Variants in FTO observed in about 807,000 individuals in gnomAD.
The protein encoded by FTO is FTO alpha-ketoglutarate dependent dioxygenase.
In FTO, 47 loss-of-function variants were observed where a neutral mutation model predicts 63.9. That is an observed-to-expected ratio of 0.74 (90% CI 0.58 to 0.94). FTO has a LOEUF of 0.94. Among genes scored for constraint, FTO ranks in the 40% least tolerant of loss-of-function variants. FTO has a pLI of 0.00. For missense variants in FTO, 562 were observed against 618.1 expected, an observed-to-expected ratio of 0.91 and a Z score of 0.96; for synonymous variants, 207 against 224.4, an observed-to-expected ratio of 0.92 and a Z score of 0.69.
intron 1 of FTO, among the ~76,000 whole-genome samples, chr16:53,793,847 A>T (rs1253544920): frequency 6.6e-6 from 1 of 152,238 alleles, no homozygotes; most frequent in Admixed American, 6.5e-5. Context: ...CACGGTCTTT[A>T]TATGCAAATA....
chr16:53,814,276 A>G (rs552132463), intron 2 of FTO, among the ~76,000 whole-genome samples: 2 of 152,322 alleles, frequency 1.3e-5, no homozygotes, highest in East Asian at 3.9e-4. Flanking sequence ...ACATAGTCAG[A>G]AAACAAACTC....
intron 4 of FTO, among the ~76,000 whole-genome samples, chr16:53,869,272 T>C (rs1329283358): frequency 1.3e-5 from 2 of 152,164 alleles, no homozygotes. Context: ...CAGATAGCTT[T>C]TTTTTTGCTC....
chr16:53,745,160 A>G (rs919976467), intron 1 of FTO, among the ~76,000 whole-genome samples: 5 of 152,252 alleles, frequency 3.3e-5, no homozygotes, highest in Admixed American at 1.3e-4. Flanking sequence ...ACAAATGCTT[A>G]TGAATAATTC....
At chr16:53,970,767 C>T (rs917533487) in intron 8 of FTO, among the ~76,000 whole-genome samples, 4 of 152,018 alleles carry the variant, frequency 2.6e-5, no homozygotes, top group Admixed American at 1.3e-4. Context: ...CGGTGAAAGC[C>T]GCCAGTGTGA....
intron 1 of FTO, among the ~76,000 whole-genome samples, chr16:53,805,407 A>C (rs2151724693): frequency 6.6e-6 from 1 of 150,622 alleles, no homozygotes; most frequent in South Asian, 2.1e-4. Flanking sequence ...GTAGTTTCTG[A>C]TATCTAACTT....
intron 1 of FTO, among the ~76,000 whole-genome samples, chr16:53,760,258 GTGTT>G (rs1481359253): frequency 1.6e-4 from 22 of 141,272 alleles, no homozygotes; most frequent in Admixed American, 6.4e-4. Flanking sequence ...GTGTGTGTGT[GTGTT>G]TTTTGGAGAC....
At chr16:53,755,423 ATTGAGGTGTAC>A (rs1197479637) in intron 1 of FTO, among the ~76,000 whole-genome samples, 1 of 152,158 alleles carries the variant, frequency 6.6e-6, no homozygotes, top group Non-Finnish European at 1.5e-5. Flanking sequence ...GATCCCGTCC[ATTGAGGTGTAC>A]TTGAGGGATT....
chr16:53,763,927 C>T (rs912026599), intron 1 of FTO, among the ~76,000 whole-genome samples: 2 of 152,136 alleles, frequency 1.3e-5, no homozygotes, highest in Non-Finnish European at 2.9e-5. Context: ...AAGCGATGCC[C>T]TGGAAAGAAT....
intron 1 of FTO, among the ~76,000 whole-genome samples, chr16:53,772,449 G>A (rs949608226): frequency 1.3e-5 from 2 of 152,012 alleles, no homozygotes; most frequent in African/African-American, 2.4e-5. Context: ...GCCTGCTGGC[G>A]TTCTCTGTTT....
chr16:53,918,612 C>A (rs1403481287), intron 7 of FTO, among the ~76,000 whole-genome samples: 1 of 152,130 alleles, frequency 6.6e-6, no homozygotes, highest in Non-Finnish European at 1.5e-5. Flanking sequence ...AAATCAAAAT[C>A]AACCCTAAAA....
intron 1 of FTO, among the ~76,000 whole-genome samples, chr16:53,766,293 G>A (rs1363992234): frequency 2.0e-5 from 3 of 152,028 alleles, no homozygotes; most frequent in Admixed American, 6.6e-5. Context: ...TGGCGCGATC[G>A]TGGCTCACTG....
chr16:53,880,510 A>T lies in FTO; in HGVS notation c.1119+523A>T, dbSNP rs113488284. 8.7e-3 allele frequency among the ~76,000 whole-genome samples: 1,331 copies of T among 152,322 alleles called. 25 individuals are homozygous for T. Among genetic ancestry groups the T allele is most frequent in the African/African-American group, 0.031 (1,281 of 41,576 alleles). On this transcript the variant is annotated intron_variant, in intron 6 of 8. Coordinates refer to ENST00000471389, the MANE Select transcript of FTO (RefSeq NM_001080432.3). ...GTTCAGGCTGCAGTAACAAAATTGC[A>T]TAAACCAAGTTGCTTCTAAACAACA...
chr16:54,032,599 T>C (rs1321605993), intron 8 of FTO, among the ~76,000 whole-genome samples: 6 of 152,244 alleles, frequency 3.9e-5, no homozygotes, highest in African/African-American at 1.4e-4. Flanking sequence ...TTGTTGATTT[T>C]GATATTTTGT....
chr16:53,842,732 G>A (rs538561167), intron 3 of FTO, among the ~76,000 whole-genome samples: 51 of 152,232 alleles, frequency 3.4e-4, no homozygotes, highest in Middle Eastern at 6.8e-3. Flanking sequence ...GGAGTGCACT[G>A]GTGCTATCAC....
At chr16:53,831,214 G>A (rs10521308) in intron 3 of FTO, among the ~76,000 whole-genome samples, 10,464 of 152,168 alleles carry the variant, frequency 0.069, 554 homozygotes, top group East Asian at 0.26. Context: ...TAAAAACGCT[G>A]TGATGTTTAA....
chr16:53,903,706 T>G (rs1480867427), intron 7 of FTO, among the ~76,000 whole-genome samples: 1 of 152,240 alleles, frequency 6.6e-6, no homozygotes, highest in Non-Finnish European at 1.5e-5. Flanking sequence ...TAACCAGACT[T>G]CTACTGTCTT....
At chr16:53,879,790 T>C (rs1401854115) in intron 5 of FTO, 54 bp from the exon 6 acceptor site, 1 of 1,606,338 alleles carries the variant, frequency 6.2e-7, no homozygotes, top group Non-Finnish European at 8.5e-7. Context: ...GGAAGGATGG[T>C]AGAGTAAACT....
chr16:53,911,872 C>G (rs949913640), intron 7 of FTO, among the ~76,000 whole-genome samples: 3 of 152,200 alleles, frequency 2.0e-5, no homozygotes, highest in Non-Finnish European at 4.4e-5. Context: ...AAATTGAACT[C>G]TGTGGCATAA....
At position 54,120,709 on chromosome 16, in the gene FTO, C is replaced by T. The variant is rs570225282; in HGVS notation, c.*8794C>T. Reference sequence around the variant, plus strand: ...TGAGCCCCCCTCCCAAGTTCACCTTCAACATCCTAAAGCAGGTTGAAGAGG... The same window carrying T: ...TGAGCCCCCCTCCCAAGTTCACCTTTAACATCCTAAAGCAGGTTGAAGAGG... On this transcript the variant is annotated 3_prime_UTR_variant, in exon 9 of 9. Coordinates refer to ENST00000471389, the MANE Select transcript of FTO (RefSeq NM_001080432.3). 9.9e-5 allele frequency: 15 copies of T among 152,270 alleles called. No individual in the cohort carries two copies. The highest frequency in any genetic ancestry group is 3.6e-4 in the African/African-American group (15 of 41,570). 9.4% of individuals were successfully genotyped at this position (152,270 alleles called of 1,614,324 possible). A position where few individuals can be genotyped will look rare whatever the true frequency, so the allele number is the denominator to read the frequency against.
Sources: gnomAD v4.1 joint callset for allele counts (sites outside exome capture counted in the v4.1 genomes callset) on GRCh38, gnomAD v4.1.1 for gene constraint, MANE v1.5 for transcripts, NCBI Gene and HGNC (gene_info 2026-07-23, HGNC 2026-07-21) for gene names.